The following FGF14 variants were observed in gnomAD, a reference collection of about 807,000 sequenced individuals.
The protein encoded by FGF14 is fibroblast growth factor homologous factor 4.
Under a neutral mutation model 25.5 loss-of-function variants are expected in FGF14, and 5 were observed. That is an observed-to-expected ratio of 0.20 (90% confidence interval 0.10 to 0.41). The LOEUF is 0.41. Among genes scored for constraint, FGF14 ranks in the 10% least tolerant of loss-of-function variants. The pLI is 1.00. For missense variants in FGF14, 222 were observed against 320.1 expected, an observed-to-expected ratio of 0.69 and a Z score of 2.34; for synonymous variants, 138 against 118.3, an observed-to-expected ratio of 1.17 and a Z score of -1.08.
At chr13:101,764,150 T>C (rs2038230505) in intron 3 of FGF14, among the ~76,000 whole-genome samples, 1 of 152,150 alleles carries the variant, frequency 6.6e-6, no homozygotes, top group Non-Finnish European at 1.5e-5. Context: ...AAAAGCACGG[T>C]AAATTTTAGT....
intron 1 of FGF14, among the ~76,000 whole-genome samples, chr13:102,166,545 T>C (rs188509741): frequency 2.2e-4 from 34 of 152,210 alleles, no homozygotes; most frequent in African/African-American, 7.5e-4. Context: ...TTTAGTGCCA[T>C]ATTTTTTGAG....
At chr13:101,942,176 T>A (rs1003611618) in intron 1 of FGF14, among the ~76,000 whole-genome samples, 1 of 152,194 alleles carries the variant, frequency 6.6e-6, no homozygotes, top group African/African-American at 2.4e-5. Flanking sequence ...TAAAATGTTA[T>A]TCCTCACATA....
chr13:101,722,975 TG>T lies in FGF14; in HGVS notation c.608-9del, dbSNP rs558457368. ...GTTCTCGGTACATGGCAACTAGTGATGGGAAGAAAGGAGGAGGAAAAGCAAA... is the reference window on the plus strand; with the variant it reads ...GTTCTCGGTACATGGCAACTAGTGATGGAAGAAAGGAGGAGGAAAAGCAAA... On this transcript the variant is annotated splice_polypyrimidine_tract_variant and intron_variant, in intron 4 of 4. Coordinates refer to ENST00000376143, the MANE Select transcript of FGF14 (RefSeq NM_004115.4). 1.3e-4 allele frequency: 214 copies of T among 1,613,172 alleles called. No individual in the cohort carries two copies. In the African/African-American group the frequency reaches 2.5e-3, roughly 19 times the overall value.
chr13:102,222,361 C>G (rs922583537), intron 1 of FGF14, among the ~76,000 whole-genome samples: 2 of 152,192 alleles, frequency 1.3e-5, no homozygotes, highest in African/African-American at 4.8e-5. Flanking sequence ...GTTTGGCAGA[C>G]ATCTGGTCAA....
intron 1 of FGF14, among the ~76,000 whole-genome samples, chr13:102,278,645 TACATACACAC>T (rs1185119999): frequency 6.8e-6 from 1 of 146,954 alleles, no homozygotes; most frequent in Admixed American, 6.8e-5. Context: ...TATATATATA[TACATACACAC>T]ACATACACAC....
intron 3 of FGF14, among the ~76,000 whole-genome samples, chr13:101,842,496 G>A (rs1007523227): frequency 3.9e-5 from 6 of 152,054 alleles, no homozygotes; most frequent in Admixed American, 6.6e-5. Context: ...ACCCAGAAAA[G>A]GAAGAGGATT....
chr13:102,132,515 C>CTTTTT (rs5806272), intron 1 of FGF14, among the ~76,000 whole-genome samples: 2 of 112,674 alleles, frequency 1.8e-5, no homozygotes, highest in Non-Finnish European at 3.9e-5. Flanking sequence ...TTCTTTCTTT[C>CTTTTT]TTTTTTTTTT....
At chr13:101,842,026 T>C (rs904836645) in intron 3 of FGF14, among the ~76,000 whole-genome samples, 3 of 152,026 alleles carry the variant, frequency 2.0e-5, no homozygotes, top group Non-Finnish European at 4.4e-5. Flanking sequence ...ATTTTAAATT[T>C]TCTTTGGCAA....
intron 3 of FGF14, among the ~76,000 whole-genome samples, chr13:101,748,379 T>G (rs1161988125): frequency 6.6e-6 from 1 of 151,902 alleles, no homozygotes; most frequent in African/African-American, 2.4e-5. Context: ...AAATAACTCA[T>G]AAGCATAGAG....
chr13:102,204,672 G>A (rs927705466), intron 1 of FGF14, among the ~76,000 whole-genome samples: 11 of 151,876 alleles, frequency 7.2e-5, no homozygotes, highest in Non-Finnish European at 1.3e-4. Flanking sequence ...TCAGCCTCCC[G>A]AGTAGCTGGG....
chr13:101,777,673 AT>A (rs1228028366), intron 3 of FGF14, among the ~76,000 whole-genome samples: 1 of 152,192 alleles, frequency 6.6e-6, no homozygotes, highest in Non-Finnish European at 1.5e-5. Context: ...AATAACATTA[AT>A]TTAATCTCAA....
chr13:102,083,463 TC>T lies in FGF14; in HGVS notation c.209-208168del, dbSNP rs534847071. On this transcript the variant is annotated intron_variant, in intron 1 of 4. Coordinates refer to the FGF14 transcript ENST00000376131. ...TAACCCAATATAACTTGGCTTACTT[TC>T]CAACCTGACTCTGGTATAGCATTAA... is the stretch of plus-strand genomic sequence containing the variant. 2.4e-3 allele frequency among the ~76,000 whole-genome samples: 358 copies of T among 152,308 alleles called. 1 individual carries two copies. The highest frequency in any genetic ancestry group is 7.8e-3 in the African/African-American group (323 of 41,560).
At chr13:101,744,258 C>A (rs546143965) in intron 3 of FGF14, among the ~76,000 whole-genome samples, 1 of 151,922 alleles carries the variant, frequency 6.6e-6, no homozygotes, top group East Asian at 1.9e-4. Flanking sequence ...AAAAATCCTA[C>A]AGATCTACAT....
intron 3 of FGF14, among the ~76,000 whole-genome samples, chr13:101,767,831 C>T (rs1314274410): frequency 6.6e-6 from 1 of 152,032 alleles, no homozygotes; most frequent in African/African-American, 2.4e-5. Context: ...GGTCATTTGA[C>T]CATACGTATT....
At chr13:102,184,741 TA>T (rs2048811144) in intron 1 of FGF14, among the ~76,000 whole-genome samples, 1 of 152,118 alleles carries the variant, frequency 6.6e-6, no homozygotes, top group Non-Finnish European at 1.5e-5. Flanking sequence ...ATGTTGTGGA[TA>T]GGGGTATGGG....
chr13:102,389,688 A>G (rs1198773953), intron 1 of FGF14, among the ~76,000 whole-genome samples: 1 of 152,174 alleles, frequency 6.6e-6, no homozygotes, highest in Non-Finnish European at 1.5e-5. Context: ...AGCCCCTTAA[A>G]AGATTGGGAA....
At chr13:102,249,580 G>A (rs779887967) in intron 1 of FGF14, among the ~76,000 whole-genome samples, 8 of 151,788 alleles carry the variant, frequency 5.3e-5, no homozygotes, top group South Asian at 2.1e-4. Context: ...GTGTGTGTAC[G>A]CGCACACATG....
chr13:101,873,330 T>C (rs12873311), intron 2 of FGF14, among the ~76,000 whole-genome samples: 1 of 152,286 alleles, frequency 6.6e-6, no homozygotes, highest in East Asian at 1.9e-4. Flanking sequence ...ATAAAACCTT[T>C]GTTTGAGTGA....
intron 1 of FGF14, among the ~76,000 whole-genome samples, chr13:102,180,537 T>G (rs555989782): frequency 3.6e-4 from 55 of 152,252 alleles, no homozygotes; most frequent in African/African-American, 1.3e-3. Flanking sequence ...GGTTTTGAAC[T>G]CCTGACCTCC....
Sources: allele counts gnomAD v4.1 joint callset (sites outside exome capture counted in the v4.1 genomes callset), GRCh38; gene constraint gnomAD v4.1.1; transcripts MANE v1.5; gene names NCBI Gene and HGNC (gene_info 2026-07-23, HGNC 2026-07-21).